Variants in FXR1 observed in about 807,000 individuals in gnomAD.
FXR1 encodes FMR1 autosomal homolog 1.
Under a neutral mutation model 84.0 loss-of-function variants are expected in FXR1, and 15 were observed. The observed-to-expected ratio is 0.18, with a 90% CI of 0.12 to 0.27. The LOEUF is 0.27. Ranked by LOEUF, FXR1 falls within the 10% of genes least tolerant of loss-of-function variation. The pLI, the probability that FXR1 is intolerant of heterozygous loss-of-function variation, is 1.00. For missense variants in FXR1, 480 were observed against 774.4 expected (o/e 0.62, Z 4.51); for synonymous variants, 245 against 250.7 (o/e 0.98, Z 0.21).
intron 1 of FXR1, among the ~76,000 whole-genome samples, chr3:180,930,216 T>C (rs1719723877): frequency 6.6e-6 from 1 of 151,876 alleles, no homozygotes; most frequent in African/African-American, 2.4e-5. Flanking sequence ...CCAGCTGAGA[T>C]TGCACCACTG....
At chr3:180,927,585 C>T (rs1482748233) in intron 1 of FXR1, 2 of 589,900 alleles carry the variant, frequency 3.4e-6, no homozygotes, top group South Asian at 2.0e-5. Context: ...CAGCTATATT[C>T]TGTAATTTCA....
intron 1 of FXR1, among the ~76,000 whole-genome samples, chr3:180,915,258 A>G (rs1717746806): frequency 6.6e-6 from 1 of 152,210 alleles, no homozygotes; most frequent in Non-Finnish European, 1.5e-5. Context: ...ACAATTATCA[A>G]GATTAACTGT....
intron 1 of FXR1, among the ~76,000 whole-genome samples, chr3:180,924,419 A>T (rs1479055409): frequency 1.3e-5 from 2 of 152,200 alleles, no homozygotes; most frequent in Admixed American, 6.5e-5. Flanking sequence ...AATCCTGGTT[A>T]AAAAAGATTG....
In FXR1 at chr3:180,982,264, C is replaced by T. The variant is rs1217993143; in HGVS notation, c.*5972C>T. 6.6e-6 allele frequency: 1 copy of T among 152,034 alleles called. No individual in the cohort carries two copies. The highest frequency in any genetic ancestry group is 2.4e-5 in the African/African-American group (1 of 41,406). The allele number at this position is 152,034 out of a possible 1,614,324, so 9.4% of individuals were successfully genotyped here. A position where few individuals can be genotyped will look rare whatever the true frequency, so the allele number is the denominator to read the frequency against. On this transcript the variant is annotated 3_prime_UTR_variant, in exon 17 of 17. Transcript: ENST00000357559. ...CTGTAAGTACTCAAATGTTACAGATCCAAGTATTTTGTAAGAAAATACCAG... is the reference window on the plus strand; with the variant it reads ...CTGTAAGTACTCAAATGTTACAGATTCAAGTATTTTGTAAGAAAATACCAG...
chr3:180,956,380 A>G (rs750230397), intron 9 of FXR1, among the ~76,000 whole-genome samples: 1 of 152,226 alleles, frequency 6.6e-6, no homozygotes, highest in South Asian at 2.1e-4. Flanking sequence ...GGAAATGATC[A>G]TTTAAAATAT....
chr3:180,960,493 T>G (rs1289846071), intron 10 of FXR1, among the ~76,000 whole-genome samples: 1 of 152,214 alleles, frequency 6.6e-6, no homozygotes, highest in Non-Finnish European at 1.5e-5. Context: ...GGAGACAGAT[T>G]CTTGCTCTCT....
chr3:180,947,979 A>G (rs1248025580), intron 4 of FXR1, 43 bp downstream of exon 4: 2 of 1,091,164 alleles, frequency 1.8e-6, no homozygotes, highest in Non-Finnish European at 2.8e-6. Context: ...TTTCTAAGGA[A>G]GTACCTCAGT....
At chr3:180,943,731 T>C (rs1721386004) in intron 3 of FXR1, among the ~76,000 whole-genome samples, 1 of 152,138 alleles carries the variant, frequency 6.6e-6, no homozygotes, top group Admixed American at 6.5e-5. Context: ...GCAGTTGAGA[T>C]GGTTTATTTA....
chr3:180,971,742 GT>G (rs2108495264), intron 15 of FXR1: 1 of 152,674 alleles, frequency 6.5e-6, no homozygotes, highest in Admixed American at 6.5e-5. Flanking sequence ...GTTTTAGAAT[GT>G]TTATTTTATG....
chr3:180,915,293 A>G (rs1341529341), intron 1 of FXR1: 1 of 525,264 alleles, frequency 1.9e-6, no homozygotes, highest in African/African-American at 1.9e-5. Context: ...TGGTGTCAGC[A>G]TTTATCAAGA....
chr3:180,961,912 T>C (rs2108483551), intron 11 of FXR1, among the ~76,000 whole-genome samples: 1 of 152,324 alleles, frequency 6.6e-6, no homozygotes, highest in Middle Eastern at 3.4e-3. Flanking sequence ...TTTTTACTTT[T>C]GTACTTTACA....
chr3:180,966,921 A>G (rs761512318), intron 13 of FXR1, among the ~76,000 whole-genome samples: 3 of 152,228 alleles, frequency 2.0e-5, no homozygotes, highest in Non-Finnish European at 2.9e-5. Flanking sequence ...TTTGAGTTAC[A>G]GTAATTATTA....
chr3:180,934,561 C>G (rs1254025810), intron 2 of FXR1, among the ~76,000 whole-genome samples: 1 of 152,110 alleles, frequency 6.6e-6, no homozygotes, highest in Non-Finnish European at 1.5e-5. Context: ...TATATATCCA[C>G]TGTAGGAAAG....
chr3:180,920,019 A>G (rs370830839), intron 1 of FXR1, among the ~76,000 whole-genome samples: 5 of 152,172 alleles, frequency 3.3e-5, no homozygotes, highest in African/African-American at 4.8e-5. Flanking sequence ...GCCATTCTCT[A>G]TCTTCAGCGT....
intron 3 of FXR1, among the ~76,000 whole-genome samples, chr3:180,941,277 G>C (rs1035394524): frequency 1.3e-5 from 2 of 151,158 alleles, no homozygotes; most frequent in African/African-American, 4.9e-5. Context: ...TTACAGCCTT[G>C]ACCTCCCGGG....
rs1483737523 is a variant in FXR1 at position 180,912,678 on chromosome 3, G to C, written c.-8G>C. On this transcript the variant is annotated 5_prime_UTR_variant, in exon 1 of 17. Coordinates refer to ENST00000357559, the MANE Select transcript of FXR1 (RefSeq NM_005087.4). ...GAATCTCTTCCCAGCGGCCTTTGCGGTTCCAACATGGCGGAGCTGACGGTG... is the reference window on the plus strand; with the variant it reads ...GAATCTCTTCCCAGCGGCCTTTGCGCTTCCAACATGGCGGAGCTGACGGTG... 2 of 1,613,894 alleles carry C rather than the reference G, an allele frequency of 1.2e-6. No individual in the cohort carries two copies. Among genetic ancestry groups the C allele is most frequent in the African/African-American group, 1.3e-5 (1 of 74,876 alleles).
In FXR1 at chr3:180,957,942, A is replaced by G. The variant is rs374344744; in HGVS notation, c.990+14A>G. ...CCCAGAGAAGACGTAAGTATTTAAA[A>G]TGTAATCTGCCTCTTTAAAATGTCC... On this transcript the variant is annotated intron_variant, in intron 10 of 16. Coordinates refer to ENST00000357559, the MANE Select transcript of FXR1 (RefSeq NM_005087.4). 36 of 1,157,882 alleles carry G rather than the reference A, an allele frequency of 3.1e-5. No homozygotes were observed. The highest frequency in any genetic ancestry group is 4.4e-5 in the Non-Finnish European group (35 of 789,868). The allele number at this position is 1,157,882 out of a possible 1,614,324, so 71.7% of individuals were successfully genotyped here. A position where few individuals can be genotyped will look rare whatever the true frequency, so the allele number is the denominator to read the frequency against.
chr3:180,953,930 T>A, intron 9 of FXR1, 90 bp downstream of exon 9: 1 of 699,680 alleles, frequency 1.4e-6, no homozygotes, highest in East Asian at 2.6e-5. Flanking sequence ...TGTAGTCTGA[T>A]AACCTTATTC....
chr3:180,923,206 T>C (rs1441706967), intron 1 of FXR1, among the ~76,000 whole-genome samples: 1 of 152,222 alleles, frequency 6.6e-6, no homozygotes, highest in Non-Finnish European at 1.5e-5. Flanking sequence ...TCCTTAGCTG[T>C]ATCTCCCTCA....
Sources: allele counts gnomAD v4.1 joint callset (sites outside exome capture counted in the v4.1 genomes callset), GRCh38; gene constraint gnomAD v4.1.1; transcripts MANE v1.5; gene names NCBI Gene and HGNC (gene_info 2026-07-23, HGNC 2026-07-21).